Variants in CDH10 observed in about 807,000 individuals in gnomAD.
The protein encoded by CDH10 is cadherin-10.
A neutral mutation model predicts 73.1 loss-of-function variants in CDH10; 30 were observed. The ratio of observed to expected loss-of-function variants is 0.41; its 90% CI spans 0.31 to 0.56. The LOEUF (loss-of-function observed/expected upper bound fraction) is 0.56, where lower values mean the gene tolerates loss of function less well. Ranked by LOEUF, CDH10 falls within the 20% of genes least tolerant of loss-of-function variation. The pLI, the probability that CDH10 is intolerant of heterozygous loss-of-function variation, is 0.27. For missense variants in CDH10, 815 were observed against 973.7 expected, an observed-to-expected ratio of 0.84 and a Z score of 2.17; for synonymous variants, 345 against 348.2, an observed-to-expected ratio of 0.99 and a Z score of 0.10.
chr5:24,578,290 T>G, intron 2 of CDH10: 1 of 216,706 alleles, frequency 4.6e-6, no homozygotes, highest in Non-Finnish European at 1.0e-5. Context: ...GAGTTCACCC[T>G]TTTAAGCTAA....
At chr5:24,603,193 C>G (rs1483508147) in intron 1 of CDH10, among the ~76,000 whole-genome samples, 1 of 152,154 alleles carries the variant, frequency 6.6e-6, no homozygotes, top group Non-Finnish European at 1.5e-5. Context: ...GTGTCAGTTT[C>G]TGCCTTCATC....
rs2111601866 is a variant in CDH10, at chr5:24,487,803, A to G, written c.2227T>C (p.Ser743Pro). Residue 743 changes from serine to proline, a missense_variant, in exon 12 of 12, where the codon TCC (serine) becomes CCC (proline). Physicochemically the swap from Ser to Pro is moderately conservative, Grantham distance 74 (BLOSUM62 -1). Transcript: ENST00000264463. ...AATGAACTCAGAGATTCAGCAATGG[A>G]ATCATTTCCTTCATAGGCATAGGTT... The part of the protein sequence containing the change: ...LATYAYEGND[S>P]IAESLSSLES... The G allele has an allele frequency of 6.2e-7, 1 of 1,613,754 alleles. No individual in the cohort carries two copies. The highest frequency in any genetic ancestry group is 1.3e-5 in the African/African-American group (1 of 74,952).
intron 2 of CDH10, among the ~76,000 whole-genome samples, chr5:24,558,120 T>G (rs1208635355): frequency 6.6e-6 from 1 of 151,768 alleles, no homozygotes; most frequent in African/African-American, 2.4e-5. Context: ...AAGTACAAGG[T>G]TAACCACAGA....
chr5:24,498,656 T>C (rs1470918013), intron 8 of CDH10, 137 bp from the exon 9 acceptor site: 14 of 608,976 alleles, frequency 2.3e-5, no homozygotes, highest in Non-Finnish European at 3.3e-5. Flanking sequence ...AATGAGCAAA[T>C]GCAATAAAGA....
chr5:24,506,022 G>A (rs924422268), intron 7 of CDH10, among the ~76,000 whole-genome samples: 2 of 151,568 alleles, frequency 1.3e-5, no homozygotes, highest in Non-Finnish European at 2.9e-5. Flanking sequence ...GATGAAGCAG[G>A]AGAATTGCTT....
At chr5:24,641,843 A>G (rs2112223026) in intron 1 of CDH10, among the ~76,000 whole-genome samples, 1 of 152,208 alleles carries the variant, frequency 6.6e-6, no homozygotes, top group South Asian at 2.1e-4. Flanking sequence ...CCTATTCCAG[A>G]TAATATGTTG....
At chr5:24,529,821 T>C (rs1182940467) in intron 5 of CDH10, among the ~76,000 whole-genome samples, 4 of 151,860 alleles carry the variant, frequency 2.6e-5, no homozygotes, top group Non-Finnish European at 4.4e-5. Flanking sequence ...CTTCTATTTG[T>C]CAACCTAAAT....
intron 2 of CDH10, among the ~76,000 whole-genome samples, chr5:24,543,393 A>G (rs577979067): frequency 6.6e-6 from 1 of 152,336 alleles, no homozygotes; most frequent in East Asian, 1.9e-4. Context: ...CGATGAATGA[A>G]TCACAAGGAT....
At chr5:24,554,788 C>A (rs1342392891) in intron 2 of CDH10, among the ~76,000 whole-genome samples, 1 of 152,132 alleles carries the variant, frequency 6.6e-6, no homozygotes, top group Non-Finnish European at 1.5e-5. Context: ...ATAGAAATTG[C>A]ACTTTTCCTT....
At chr5:24,611,287 G>A (rs76807778) in intron 1 of CDH10, among the ~76,000 whole-genome samples, 51 of 152,140 alleles carry the variant, frequency 3.4e-4, no homozygotes, top group African/African-American at 9.4e-4. Context: ...TGGTTAAACC[G>A]GGATTTTTTA....
intron 1 of CDH10, among the ~76,000 whole-genome samples, chr5:24,604,596 G>A (rs573820798): frequency 6.6e-6 from 1 of 152,128 alleles, no homozygotes; most frequent in East Asian, 1.9e-4. Flanking sequence ...CTCTTGGCTG[G>A]GCACGATGGC....
chr5:24,599,558 G>T (rs1217481326), intron 1 of CDH10, among the ~76,000 whole-genome samples: 1 of 152,152 alleles, frequency 6.6e-6, no homozygotes, highest in Non-Finnish European at 1.5e-5. Context: ...TCAACTATGA[G>T]AATGTGTAGA....
intron 7 of CDH10, among the ~76,000 whole-genome samples, chr5:24,508,719 A>G (rs1028282685): frequency 2.0e-5 from 3 of 149,290 alleles, no homozygotes; most frequent in Non-Finnish European, 2.9e-5. Flanking sequence ...GGGTCTCAGT[A>G]TGTTCCCCAG....
intron 7 of CDH10, among the ~76,000 whole-genome samples, chr5:24,506,093 C>T (rs1579731000): frequency 7.6e-6 from 1 of 131,162 alleles, no homozygotes; most frequent in East Asian, 2.2e-4. Flanking sequence ...CCAGCCTGGG[C>T]AACACAGCAA....
chr5:24,603,051 A>C (rs2112122570), intron 1 of CDH10, among the ~76,000 whole-genome samples: 1 of 152,272 alleles, frequency 6.6e-6, no homozygotes, highest in Admixed American at 6.5e-5. Context: ...AACTCTAAAA[A>C]CTAGAAGATT....
intron 3 of CDH10, among the ~76,000 whole-genome samples, chr5:24,536,883 AATG>A (rs1368366491): frequency 6.6e-6 from 1 of 151,948 alleles, no homozygotes; most frequent in Admixed American, 6.6e-5. Context: ...TAATAATTAT[AATG>A]ATAGGATTTT....
At chr5:24,573,781 A>G (rs1745489769) in intron 2 of CDH10, among the ~76,000 whole-genome samples, 1 of 148,448 alleles carries the variant, frequency 6.7e-6, no homozygotes, top group South Asian at 2.1e-4. Flanking sequence ...ATGTATTTAT[A>G]TCTTGTATAT....
chr5:24,504,053 A>G (rs572982678), intron 8 of CDH10, among the ~76,000 whole-genome samples: 1 of 152,230 alleles, frequency 6.6e-6, no homozygotes, highest in South Asian at 2.1e-4. Flanking sequence ...GCTCATTTTT[A>G]TTAGTTAATA....
At chr5:24,642,807 G>T (rs1030229716) in intron 1 of CDH10, among the ~76,000 whole-genome samples, 11 of 151,328 alleles carry the variant, frequency 7.3e-5, no homozygotes, top group African/African-American at 2.4e-4. Flanking sequence ...TTTGTTTGTT[G>T]TTTTTTTTCC....
Sources: gnomAD v4.1 joint callset for allele counts (sites outside exome capture counted in the v4.1 genomes callset) on GRCh38, gnomAD v4.1.1 for gene constraint, MANE v1.5 for transcripts, NCBI Gene and HGNC (gene_info 2026-07-23, HGNC 2026-07-21) for gene names.